Variants in SEMA6D observed in about 807,000 individuals in gnomAD.
The protein encoded by SEMA6D is semaphorin 6D, also known as semaphorin-6D.
SEMA6D carries 35 observed loss-of-function variants against 106.6 expected under a neutral mutation model. That is an observed-to-expected ratio of 0.33 (90% CI 0.25 to 0.44). SEMA6D has a LOEUF of 0.44. Among genes scored for constraint, SEMA6D ranks in the 20% least tolerant of loss-of-function variants. The probability of loss-of-function intolerance (pLI) is 1.00; values close to 1 mark genes in which losing one functional copy is unlikely to be tolerated. For synonymous variants in SEMA6D, 499 were observed against 487.7 expected (o/e 1.02, Z -0.31); for missense variants, 1,185 against 1,345.9 (o/e 0.88, Z 1.87).
intron 2 of SEMA6D, among the ~76,000 whole-genome samples, chr15:47,422,184 T>TG (rs1567068460): frequency 7.4e-4 from 19 of 25,580 alleles, no homozygotes; most frequent in African/African-American, 1.6e-3. Context: ...CTGCCTGCCT[T>TG]CCTTCCTTCC....
At chr15:47,494,738 G>GGA (rs1491390659) in intron 3 of SEMA6D, among the ~76,000 whole-genome samples, 1 of 28,102 alleles carries the variant, frequency 3.6e-5, no homozygotes, top group Non-Finnish European at 7.3e-5. Context: ...AGAGTGGGAT[G>GGA]GAGATATATA....
At chr15:47,584,167 A>T (rs2076298360) in intron 3 of SEMA6D, among the ~76,000 whole-genome samples, 1 of 152,222 alleles carries the variant, frequency 6.6e-6, no homozygotes, top group African/African-American at 2.4e-5. Context: ...TTGCCAAAGT[A>T]ACCCCAGCAC....
chr15:47,213,090 G>A (rs1416944354), intron 1 of SEMA6D, among the ~76,000 whole-genome samples: 1 of 152,158 alleles, frequency 6.6e-6, no homozygotes, highest in African/African-American at 2.4e-5. Flanking sequence ...TACCTATGTA[G>A]CCATTAGCCA....
chr15:47,211,270 C>A (rs558144225), intron 1 of SEMA6D, among the ~76,000 whole-genome samples: 1 of 152,204 alleles, frequency 6.6e-6, no homozygotes, highest in South Asian at 2.1e-4. Flanking sequence ...TTTCACATAA[C>A]TGTATAGCTT....
chr15:47,501,322 A>C (rs2141604271), intron 3 of SEMA6D, among the ~76,000 whole-genome samples: 1 of 152,274 alleles, frequency 6.6e-6, no homozygotes, highest in Non-Finnish European at 1.5e-5. Context: ...TCGTCTAATG[A>C]GTTATTTCTT....
chr15:47,603,939 G>T, intron 4 of SEMA6D: 1 of 152,264 alleles, frequency 6.6e-6, no homozygotes, highest in Middle Eastern at 3.4e-3. Flanking sequence ...ATGGAGTGAT[G>T]TGTCGAGGCA....
chr15:47,517,473 G>A (rs2044426102), intron 3 of SEMA6D, among the ~76,000 whole-genome samples: 1 of 152,090 alleles, frequency 6.6e-6, no homozygotes, highest in African/African-American at 2.4e-5. Flanking sequence ...TCTAAAAAGT[G>A]TAGTGAATTC....
chr15:47,711,343 G>T (rs2079020003), intron 4 of SEMA6D, among the ~76,000 whole-genome samples: 1 of 150,540 alleles, frequency 6.6e-6, no homozygotes, highest in African/African-American at 2.4e-5. Context: ...GTATAGGCGT[G>T]AATTATTTTT....
At chr15:47,593,681 G>A (rs1283860232) in intron 3 of SEMA6D, among the ~76,000 whole-genome samples, 1 of 152,132 alleles carries the variant, frequency 6.6e-6, no homozygotes, top group Non-Finnish European at 1.5e-5. Context: ...ATAAAGAAAA[G>A]AGATTTAATT....
chr15:47,493,454 A>T (rs2043535039), intron 3 of SEMA6D, among the ~76,000 whole-genome samples: 1 of 152,168 alleles, frequency 6.6e-6, no homozygotes, highest in Non-Finnish European at 1.5e-5. Flanking sequence ...CTAGAAAGGC[A>T]CTTTACAATA....
intron 2 of SEMA6D, among the ~76,000 whole-genome samples, chr15:47,458,426 A>G (rs1475020382): frequency 6.6e-6 from 1 of 152,150 alleles, no homozygotes; most frequent in Non-Finnish European, 1.5e-5. Context: ...TCAAAGGCCC[A>G]TGGAACATTT....
intron 1 of SEMA6D, among the ~76,000 whole-genome samples, chr15:47,337,940 C>A (rs1169079661): frequency 1.3e-5 from 2 of 152,158 alleles, no homozygotes; most frequent in African/African-American, 4.8e-5. Context: ...CCCAGAACTC[C>A]TAAGGACCTG....
At chr15:47,745,450 C>A (rs1000812093) in intron 1 of SEMA6D, among the ~76,000 whole-genome samples, 1 of 152,230 alleles carries the variant, frequency 6.6e-6, no homozygotes, top group African/African-American at 2.4e-5. Flanking sequence ...TGTTCTCTAC[C>A]CCGTACGCCA....
intron 2 of SEMA6D, 149 bp from the exon 3 acceptor site, chr15:47,760,155 A>G: frequency 1.5e-6 from 1 of 650,124 alleles, no homozygotes; most frequent in South Asian, 2.0e-5. Flanking sequence ...GCTGACATTC[A>G]CTGCCTTTTA....
intron 1 of SEMA6D, among the ~76,000 whole-genome samples, chr15:47,246,028 G>A (rs542117624): frequency 6.6e-6 from 1 of 152,100 alleles, no homozygotes; most frequent in Non-Finnish European, 1.5e-5. Flanking sequence ...CCTGTCTTTC[G>A]GATATATGCT....
At chr15:47,373,423 G>T (rs570598424) in intron 1 of SEMA6D, among the ~76,000 whole-genome samples, 3 of 152,110 alleles carry the variant, frequency 2.0e-5, no homozygotes, top group Non-Finnish European at 4.4e-5. Flanking sequence ...TAACTCTTAT[G>T]CATGACTATG....
chr15:47,384,613 G>A (rs2039752331), intron 1 of SEMA6D, among the ~76,000 whole-genome samples: 1 of 152,094 alleles, frequency 6.6e-6, no homozygotes, highest in South Asian at 2.1e-4. Flanking sequence ...ATGTCTGAGT[G>A]GAGAGCTCCA....
intron 1 of SEMA6D, among the ~76,000 whole-genome samples, chr15:47,732,523 G>T (rs1442353396): frequency 1.3e-5 from 2 of 152,206 alleles, no homozygotes; most frequent in African/African-American, 4.8e-5. Flanking sequence ...GTCTTGGGCA[G>T]GGGAATGGGA....
At chr15:47,441,906 A>G (rs2041894818) in intron 2 of SEMA6D, among the ~76,000 whole-genome samples, 1 of 152,028 alleles carries the variant, frequency 6.6e-6, no homozygotes, top group African/African-American at 2.4e-5. Flanking sequence ...TGTAACCTCA[A>G]ATTCCTTAGT....
Sources: allele counts gnomAD v4.1 joint callset (sites outside exome capture counted in the v4.1 genomes callset), GRCh38; gene constraint gnomAD v4.1.1; transcripts MANE v1.5; gene names NCBI Gene and HGNC (gene_info 2026-07-23, HGNC 2026-07-21).